Variants in LYST observed in about 807,000 individuals in gnomAD.
LYST encodes lysosomal trafficking regulator.
LYST carries 192 observed loss-of-function variants against 413.6 expected under a neutral mutation model. The ratio of observed to expected loss-of-function variants is 0.46; its 90% CI spans 0.41 to 0.52. The LOEUF is 0.52. LYST is among the 20% of genes least tolerant of loss of function. The pLI is 0.00. For synonymous variants in LYST, 1,525 were observed against 1,567.3 expected (o/e 0.97, Z 0.64); for missense variants, 3,815 against 4,499.9 (o/e 0.85, Z 4.35).
At position 235,810,518 on chromosome 1, in the gene LYST, G is replaced by A; in HGVS notation, c.300C>T (p.Leu100=). The A allele has an allele frequency of 1.9e-6, 3 of 1,611,790 alleles. No individual in the cohort carries two copies. The highest frequency in any genetic ancestry group is 2.5e-6 in the Non-Finnish European group (3 of 1,179,792). Residue 100 remains leucine, a synonymous_variant, in exon 5 of 53, where the codon CTC becomes CTT. Coordinates refer to ENST00000389793, the MANE Select transcript of LYST (RefSeq NM_000081.4). The part of the protein sequence containing the change: ...EEKATDFNLP[L]SADIILTKEK... Reference sequence around the variant, plus strand: ...CTTTGGTCAGGATTATATCTGCTGAGAGCGGTAGGTTAAAATCTAATGGAA... The same window carrying A: ...CTTTGGTCAGGATTATATCTGCTGAAAGCGGTAGGTTAAAATCTAATGGAA...
chr1:235,773,214 G>A (rs1010989269), intron 19 of LYST, among the ~76,000 whole-genome samples: 1 of 151,966 alleles, frequency 6.6e-6, no homozygotes, highest in Non-Finnish European at 1.5e-5. Context: ...AGCTACTTGG[G>A]AGGCTGAGGT....
chr1:235,864,416 G>A (rs1009089764), intron 1 of LYST, among the ~76,000 whole-genome samples: 1 of 151,898 alleles, frequency 6.6e-6, no homozygotes, highest in Admixed American at 6.6e-5. Flanking sequence ...CTACTTGTTC[G>A]GAACTAAATT....
At chr1:235,764,287 C>T (rs1667883960) in intron 21 of LYST, among the ~76,000 whole-genome samples, 1 of 151,928 alleles carries the variant, frequency 6.6e-6, no homozygotes, top group Admixed American at 6.6e-5. Flanking sequence ...TTTCTTTATC[C>T]TCTTTCCCTC....
intron 17 of LYST, among the ~76,000 whole-genome samples, chr1:235,775,870 T>C (rs1266154826): frequency 6.6e-6 from 1 of 152,070 alleles, no homozygotes; most frequent in Non-Finnish European, 1.5e-5. Flanking sequence ...TGTAAGGATT[T>C]TAAGGACACT....
chr1:235,873,461 G>A (rs983862308), intron 1 of LYST, among the ~76,000 whole-genome samples: 1 of 152,042 alleles, frequency 6.6e-6, no homozygotes. Flanking sequence ...ATACAACGTA[G>A]GAAATGGAAG....
intron 7 of LYST, among the ~76,000 whole-genome samples, chr1:235,803,759 T>G (rs897969838): frequency 4.6e-5 from 7 of 152,182 alleles, no homozygotes; most frequent in African/African-American, 1.4e-4. Context: ...ATTAATTCAG[T>G]AATATGATGA....
intron 47 of LYST, among the ~76,000 whole-genome samples, chr1:235,689,554 G>A (rs1660490501): frequency 6.6e-6 from 1 of 152,154 alleles, no homozygotes. Flanking sequence ...TGTGCAGGAT[G>A]ATTACGTTCT....
At chr1:235,862,539 T>C (rs1294117905) in intron 1 of LYST, among the ~76,000 whole-genome samples, 1 of 152,124 alleles carries the variant, frequency 6.6e-6, no homozygotes, top group East Asian at 1.9e-4. Context: ...CTCATGCCTG[T>C]AATCCCAGCA....
intron 1 of LYST, among the ~76,000 whole-genome samples, chr1:235,855,341 G>A (rs1468276558): frequency 6.6e-6 from 1 of 152,092 alleles, no homozygotes; most frequent in East Asian, 1.9e-4. Context: ...TTTAGGAAAT[G>A]TTCCCCCAGG....
At chr1:235,787,501 T>G (rs1670547918) in intron 13 of LYST, 128 bp from the exon 14 acceptor site, 1 of 801,946 alleles carries the variant, frequency 1.2e-6, no homozygotes, top group Admixed American at 2.0e-5. Flanking sequence ...TTTAAAGTGC[T>G]TGAAAAGTCA....
At position 235,733,919 on chromosome 1, in the gene LYST, G is replaced by C. The variant is rs775081374; in HGVS notation, c.8536-13C>G. The C allele has an allele frequency of 7.4e-7, 1 of 1,350,816 alleles. No homozygotes were observed. Among genetic ancestry groups the C allele is most frequent in the Admixed American group, 1.7e-5 (1 of 59,116 alleles). 83.7% of individuals were successfully genotyped at this position (1,350,816 alleles called of 1,614,324 possible). On this transcript the variant is annotated splice_polypyrimidine_tract_variant and intron_variant, in intron 32 of 52. Transcript: ENST00000389793. The stretch of plus-strand genomic sequence containing the variant: ...ATTTCTTTTGTTCCTAGAAGATTTA[G>C]ATAATAATATACTATATAAAATTTA...
chr1:235,716,401 C>T (rs557202520), intron 41 of LYST, among the ~76,000 whole-genome samples: 31 of 152,074 alleles, frequency 2.0e-4, no homozygotes, highest in African/African-American at 6.8e-4. Context: ...CTAGGGGATA[C>T]GAATAGCAGG....
intron 48 of LYST, among the ~76,000 whole-genome samples, chr1:235,683,157 C>T (rs1412588810): frequency 6.6e-6 from 1 of 152,224 alleles, no homozygotes; most frequent in Non-Finnish European, 1.5e-5. Context: ...TTAATAAACT[C>T]TGCACTTTGA....
intron 1 of LYST, among the ~76,000 whole-genome samples, chr1:235,878,302 A>G (rs1275905997): frequency 6.6e-6 from 1 of 152,104 alleles, no homozygotes; most frequent in African/African-American, 2.4e-5. Context: ...GGCTTGTGGC[A>G]GAGCAACTCT....
intron 25 of LYST, among the ~76,000 whole-genome samples, chr1:235,755,080 CAAAAAAAAA>C (rs763926458): frequency 3.4e-5 from 1 of 28,986 alleles, no homozygotes; most frequent in South Asian, 2.2e-3. Context: ...GACATTGTCT[CAAAAAAAAA>C]AAAAAAAAAA....
At chr1:235,858,206 G>A (rs1405771038) in intron 1 of LYST, among the ~76,000 whole-genome samples, 6 of 152,186 alleles carry the variant, frequency 3.9e-5, no homozygotes, top group Non-Finnish European at 1.5e-5. Context: ...ATGCTAGAAG[G>A]ACTCAGAAAG....
Position 235,759,124 on chromosome 1 carries a change from A to C in LYST, c.6729T>G (p.Ile2243Met). 1 of 1,614,216 alleles carries C rather than the reference A, an allele frequency of 6.2e-7. No individual in the cohort carries two copies. The highest frequency in any genetic ancestry group is 8.5e-7 in the Non-Finnish European group (1 of 1,180,034). The stretch of plus-strand genomic sequence containing the variant: ...AAGGAAAAGCTAGCCCAAGGCTTGC[A>C]ATAGTGCTGTGGCTTCGCTGGAAGG... Reference protein sequence around the residue: ...LASFQRSHSTIASLGLAFPSQ... With the variant: ...LASFQRSHSTMASLGLAFPSQ... Residue 2243 changes from isoleucine to methionine, a missense_variant, in exon 23 of 53, where the codon ATT becomes ATG. Physicochemically the swap from Ile to Met is conservative, Grantham distance 10. Around this residue, in one of 4 missense-constraint regions of LYST, gnomAD observed 771 missense variants for 837.1 expected, o/e 0.92. Coordinates refer to ENST00000389793, the MANE Select transcript of LYST (RefSeq NM_000081.4).
chr1:235,739,820 G>A (rs1312811457), intron 31 of LYST, among the ~76,000 whole-genome samples: 5 of 152,126 alleles, frequency 3.3e-5, no homozygotes, highest in Admixed American at 2.6e-4. Flanking sequence ...CTCAGTCTTC[G>A]TGGGTGAATA....
chr1:235,755,423 GAAAA>G (rs1558194242), intron 25 of LYST, 51 bp downstream of exon 25: 206 of 1,417,824 alleles, frequency 1.5e-4, no homozygotes, highest in Non-Finnish European at 1.9e-4. Context: ...GAAAAGAAAA[GAAAA>G]GAAAAAAGAC....
Sources: allele counts gnomAD v4.1 joint callset (sites outside exome capture counted in the v4.1 genomes callset), GRCh38; gene constraint gnomAD v4.1.1; regional missense constraint gnomAD v4.1.1; transcripts MANE v1.5; gene names NCBI Gene and HGNC (gene_info 2026-07-23, HGNC 2026-07-21).